Variants in SLC16A5 observed in about 807,000 individuals in gnomAD.
SLC16A5 encodes the protein monocarboxylate transporter 6.
In SLC16A5, 29 loss-of-function variants were observed where a neutral mutation model predicts 33.2. The observed-to-expected ratio is 0.87, with a 90% CI of 0.65 to 1.19. The LOEUF is 1.19. Among genes scored for constraint, SLC16A5 ranks in the 50% most tolerant of loss-of-function variants. The pLI, the probability that SLC16A5 is intolerant of heterozygous loss-of-function variation, is 0.00. For synonymous variants in SLC16A5, 248 were observed against 284.1 expected (o/e 0.87, Z 1.28); for missense variants, 606 against 678.2 (o/e 0.89, Z 1.18).
chr17:75,105,103 T>A, intron 6 of SLC16A5: 1 of 985,422 alleles, frequency 1.0e-6, no homozygotes, highest in Non-Finnish European at 1.2e-6. Context: ...GTGAAGGTCA[T>A]TGGGCCTCGC....
At chr17:75,092,576 C>T (rs1421644164) in intron 2 of SLC16A5, among the ~76,000 whole-genome samples, 4 of 152,058 alleles carry the variant, frequency 2.6e-5, no homozygotes, top group Admixed American at 1.3e-4. Context: ...CTGCCTGCCT[C>T]GGCCTCCCAA....
At chr17:75,107,095 G>C (rs1205301137), downstream of SLC16A5, among the ~76,000 whole-genome samples, 1 of 151,678 alleles carries the variant, frequency 6.6e-6, no homozygotes, top group Non-Finnish European at 1.5e-5. Context: ...AGAATCACTT[G>C]AGAGGCCACC....
intron 6 of SLC16A5, chr17:75,105,304 C>A (rs546696132): frequency 1.0e-6 from 1 of 985,376 alleles, no homozygotes; most frequent in South Asian, 4.7e-5. Context: ...GTCTCCTTGG[C>A]GGGGAGGATT....
downstream of SLC16A5, among the ~76,000 whole-genome samples, chr17:75,109,693 C>T (rs1445437422): frequency 3.9e-5 from 6 of 152,226 alleles, no homozygotes. This position sits in a 1 kb window ranked among gnomAD's most constrained non-coding sequence, Gnocchi z 5.0. Context: ...ACTCGCCCAT[C>T]TGTTGGCGGG....
At chr17:75,097,504 C>T (rs1192203119) in intron 3 of SLC16A5, among the ~76,000 whole-genome samples, 1 of 149,342 alleles carries the variant, frequency 6.7e-6, no homozygotes, top group Non-Finnish European at 1.5e-5. Context: ...GCAGAGGGGC[C>T]CAGGGTTCCC....
intron 5 of SLC16A5, among the ~76,000 whole-genome samples, chr17:75,102,211 A>T (rs1211141082): frequency 6.6e-6 from 1 of 152,148 alleles, no homozygotes. Context: ...CTCCATTCCC[A>T]GCCTGACCAA....
intron 3 of SLC16A5, among the ~76,000 whole-genome samples, chr17:75,094,408 C>T (rs1188404133): frequency 1.3e-5 from 2 of 152,152 alleles, no homozygotes; most frequent in Admixed American, 6.5e-5. Flanking sequence ...CAGGAATGGC[C>T]GGGCGCGATG....
chr17:75,105,155 C>G (rs1404397842), intron 6 of SLC16A5: 4 of 985,412 alleles, frequency 4.1e-6, no homozygotes, highest in Non-Finnish European at 4.8e-6. Flanking sequence ...TTGAGTGGCG[C>G]GCCCATCCTG....
chr17:75,096,370 A>G (rs1598149185), intron 3 of SLC16A5, among the ~76,000 whole-genome samples: 2 of 148,788 alleles, frequency 1.3e-5, no homozygotes, highest in South Asian at 2.1e-4. Flanking sequence ...CCCAATGTCA[A>G]CTTCCCTAAG....
At chr17:75,108,367 T>G (rs2073878717), downstream of SLC16A5, among the ~76,000 whole-genome samples, 1 of 152,092 alleles carries the variant, frequency 6.6e-6, no homozygotes, top group South Asian at 2.1e-4. Context: ...GCCAAAGGGC[T>G]TTGGTGAGGG....
downstream of SLC16A5, among the ~76,000 whole-genome samples, chr17:75,108,574 G>C (rs8074715): frequency 6.6e-6 from 1 of 152,138 alleles, no homozygotes; most frequent in African/African-American, 2.4e-5. Context: ...GCCTTTGTCA[G>C]CCTAAATAAC....
At chr17:75,093,542 G>A in intron 2 of SLC16A5, 47 bp from the exon 3 acceptor site, 4 of 1,541,674 alleles carry the variant, frequency 2.6e-6, no homozygotes, top group Non-Finnish European at 3.5e-6. Flanking sequence ...GGCCAGGAGA[G>A]ACGGACAGCC....
intron 1 of SLC16A5, 150 bp from the exon 2 acceptor site, chr17:75,089,001 T>G (rs1171552106): frequency 6.6e-6 from 1 of 152,208 alleles, no homozygotes; most frequent in Non-Finnish European, 1.5e-5. Context: ...CTGGTCTCAT[T>G]GGGCCTAGGG....
At chr17:75,101,807 A>C (rs2073803456) in intron 5 of SLC16A5, among the ~76,000 whole-genome samples, 2 of 151,792 alleles carry the variant, frequency 1.3e-5, no homozygotes, top group South Asian at 4.1e-4. Context: ...GCTAATTTTT[A>C]TATTTTTTAT....
rs58540678 is a variant in SLC16A5, at chr17:75,089,755, G to GA, written c.-49+472dup. 308 of 88,834 alleles carry GA rather than the reference G, an allele frequency of 3.5e-3. 2 individuals are homozygous for GA. The highest frequency in any genetic ancestry group is 4.9e-3 in the Non-Finnish European group (215 of 43,534). 5.5% of individuals were successfully genotyped at this position (88,834 alleles called of 1,614,324 possible). Reference sequence around the variant, plus strand: ...GGAGACAGAGCGAAACTTCATCTCAGAAAAAAAAAAAAAAAAAAAAAGGCG... The same window carrying GA: ...GGAGACAGAGCGAAACTTCATCTCAGAAAAAAAAAAAAAAAAAAAAAAGGCG... On this transcript the variant is annotated intron_variant, in intron 2 of 6. Coordinates refer to ENST00000329783, the MANE Select transcript of SLC16A5 (RefSeq NM_004695.4).
intron 3 of SLC16A5, among the ~76,000 whole-genome samples, chr17:75,095,788 T>C (rs1316858012): frequency 6.6e-6 from 1 of 151,850 alleles, no homozygotes; most frequent in Admixed American, 6.6e-5. Context: ...GCCTCCTGAG[T>C]AGCTGGGACT....
chr17:75,107,326 A>T (rs1417263035), downstream of SLC16A5, among the ~76,000 whole-genome samples: 1 of 152,078 alleles, frequency 6.6e-6, no homozygotes, highest in African/African-American at 2.4e-5. Flanking sequence ...GGTATCAATG[A>T]ATGTTCTGCA....
intron 4 of SLC16A5, among the ~76,000 whole-genome samples, chr17:75,098,699 T>A (rs1325491620): frequency 3.3e-5 from 5 of 151,756 alleles, no homozygotes; most frequent in African/African-American, 1.2e-4. Context: ...TTTTTTTGTT[T>A]GTTTGTTTGT....
At chr17:75,103,886 A>G (rs1030036738) in intron 5 of SLC16A5, 84 bp from the exon 6 acceptor site, 1 of 1,237,492 alleles carries the variant, frequency 8.1e-7, no homozygotes, top group African/African-American at 1.5e-5. Flanking sequence ...AGAGACAAAA[A>G]TAAAATACCT....
Sources: allele counts gnomAD v4.1 joint callset (sites outside exome capture counted in the v4.1 genomes callset), GRCh38; gene constraint gnomAD v4.1.1; non-coding constraint Gnocchi (gnomAD v3.1); transcripts MANE v1.5; gene names NCBI Gene and HGNC (gene_info 2026-07-23, HGNC 2026-07-21).